The following FBN3 variants were observed in gnomAD, a reference collection of about 807,000 sequenced individuals.
The protein encoded by FBN3 is fibrillin-3.
A neutral mutation model predicts 330.1 loss-of-function variants in FBN3; 234 were observed. That is an observed-to-expected ratio of 0.71 (90% CI 0.64 to 0.79). The LOEUF is 0.79. Ranked by LOEUF, FBN3 falls within the 30% of genes least tolerant of loss-of-function variation. The pLI is 0.00. For synonymous variants in FBN3, 1,458 were observed against 1,517.3 expected (o/e 0.96, Z 0.91); for missense variants, 3,606 against 3,886.9 (o/e 0.93, Z 1.92).
chr19:8,071,557 G>A (rs2081511664), intron 63 of FBN3, among the ~76,000 whole-genome samples: 1 of 152,168 alleles, frequency 6.6e-6, no homozygotes, highest in South Asian at 2.1e-4. Flanking sequence ...CAGCCCAGAG[G>A]GATGCACAGA....
chr19:8,123,974 A>T lies in FBN3; in HGVS notation c.2766T>A (p.Asp922Glu). 1.2e-6 allele frequency: 2 copies of T among 1,614,018 alleles called. No homozygotes were observed. Residue 922 changes from aspartate (D) to glutamate (E), a missense_variant, in exon 23 of 64, where the codon GAT (aspartate) becomes GAA (glutamate). Coordinates refer to ENST00000600128, the MANE Select transcript of FBN3 (RefSeq NM_032447.5). Reference protein sequence around the residue: ...VRLEPCFLRWDEDECGVTLPG... With the variant: ...VRLEPCFLRWEEDECGVTLPG... ...GCAGGGTGACCCCACACTCATCCTC[A>T]TCCCATCGCAGGAAACATGGTTCCA... is the stretch of plus-strand genomic sequence containing the variant.
Position 8,103,665 on chromosome 19 carries a change from G to A in FBN3, c.4836C>T (p.His1612=). 6.2e-7 allele frequency: 1 copy of A among 1,613,626 alleles called. No homozygotes were observed. The part of the protein sequence containing the change: ...ICEDIDECST[H]SGICGPGTCY... ...AGGTGCCAGGGCCACAGATGCCGGA[G>A]TGTGTGGAGCATTCGTCAATATCTG... Residue 1612 remains histidine (H), a synonymous_variant, in exon 39 of 64, where the codon CAC becomes CAT. Coordinates refer to ENST00000600128, the MANE Select transcript of FBN3 (RefSeq NM_032447.5).
In FBN3 at chr19:8,131,005, G is replaced by C. The variant is rs1410530275; in HGVS notation, c.2044+230C>G. ...CACCAGAAGCTGGAGAGAGGTCCGGGACAGATTCTCCCTCAAAGCCTCCAA... is the reference window on the plus strand; with the variant it reads ...CACCAGAAGCTGGAGAGAGGTCCGGCACAGATTCTCCCTCAAAGCCTCCAA... On this transcript the variant is annotated intron_variant, in intron 16 of 63. Transcript: ENST00000600128. This position sits in a 1 kb window ranked among gnomAD's most constrained non-coding sequence, Gnocchi z 4.5. 6.6e-6 allele frequency among the ~76,000 whole-genome samples: 1 copy of C among 152,076 alleles called. No homozygotes were observed. The highest frequency in any genetic ancestry group is 6.6e-5 in the Admixed American group (1 of 15,250).
chr19:8,098,370 T>C (rs1311266961), intron 41 of FBN3, among the ~76,000 whole-genome samples: 1 of 129,252 alleles, frequency 7.7e-6, no homozygotes, highest in Non-Finnish European at 1.6e-5. Context: ...GGACTGGAAA[T>C]AACCTAAGTG....
In FBN3 at chr19:8,120,105, G is replaced by A. The variant is rs1192043943; in HGVS notation, c.3212-1083C>T. ...CATCAGATCATGTGGCCCTTTTAAG[G>A]GCTTCTGACAGTGGCAATTTTGCAT... On this transcript the variant is annotated intron_variant, in intron 25 of 63. Coordinates refer to ENST00000600128, the MANE Select transcript of FBN3 (RefSeq NM_032447.5). 3.3e-5 allele frequency among the ~76,000 whole-genome samples: 5 copies of A among 150,718 alleles called. No individual in the cohort carries two copies. The South Asian group carries it at 8.5e-4, about 26-fold the overall frequency.
rs112806081 is a variant in FBN3, at chr19:8,085,472, A to G, written c.6978T>C (p.Cys2326=). 3.8e-4 allele frequency: 596 copies of G among 1,586,986 alleles called. 1 individual carries two copies. The African/African-American group carries it at 7.0e-3, about 19-fold the overall frequency. ...SEAVTRAECC[C]GGGRGWGPRC... Reference sequence around the variant, plus strand: ...GGGGCCCCCAGCCCCGGCCACCCCCACAGCAGCACTCGGCCCTGGTGACAG... The same window carrying G: ...GGGGCCCCCAGCCCCGGCCACCCCCGCAGCAGCACTCGGCCCTGGTGACAG... The change falls in exon 56 of 64, where the codon TGT becomes TGC. Residue 2326 remains cysteine (C), a synonymous_variant. Transcript: ENST00000600128.
chr19:8,117,039 C>A, intron 28 of FBN3, 130 bp downstream of exon 28: 1 of 1,412,946 alleles, frequency 7.1e-7, no homozygotes, highest in South Asian at 1.4e-5. Flanking sequence ...GACCACAGGC[C>A]AGGCAGGGGG....
At chr19:8,066,831 A>G (rs957989545) in intron 63 of FBN3, among the ~76,000 whole-genome samples, 2 of 152,086 alleles carry the variant, frequency 1.3e-5, no homozygotes, top group African/African-American at 2.4e-5. Context: ...GTGAGCTGAG[A>G]TCACGCTACT....
At chr19:8,066,836 G>A (rs1414783478) in intron 63 of FBN3, among the ~76,000 whole-genome samples, 1 of 151,936 alleles carries the variant, frequency 6.6e-6, no homozygotes, top group Admixed American at 6.6e-5. Flanking sequence ...CTGAGATCAC[G>A]CTACTGCACT....
chr19:8,097,380 A>G lies in FBN3; in HGVS notation c.5196T>C (p.Cys1732=). Residue 1732 remains cysteine, a synonymous_variant, in exon 42 of 64, where the codon TGT becomes TGC. Transcript: ENST00000600128. ...TCTGGTTTATGCAGATGCCATTGGC[A>G]CAGATGGCGGGGATCTCCCCACACT... The part of the protein sequence containing the change: ...IDECGEIPAI[C]ANGICINQIG... The G allele has an allele frequency of 6.2e-7, 1 of 1,605,492 alleles. No homozygotes were observed.
At position 8,110,877 on chromosome 19, in the gene FBN3, T is replaced by C. The variant is rs936115377; in HGVS notation, c.4301A>G (p.Tyr1434Cys). 1 of 1,614,222 alleles carries C rather than the reference T, an allele frequency of 6.2e-7. No homozygotes were observed. Among genetic ancestry groups the C allele is most frequent in the Non-Finnish European group, 8.5e-7 (1 of 1,180,044 alleles). Residue 1434 changes from tyrosine (Y) to cysteine (C), a missense_variant, in exon 34 of 64, where the codon TAC (tyrosine) becomes TGC (cysteine). Transcript: ENST00000600128. ...GMFRCICNGGYELDRGGGNCT... is the reference protein window; with the variant it reads ...GMFRCICNGGCELDRGGGNCT... ...GTTGCCACCCCCTCGGTCCAGTTCG[T>C]AGCCACCATTGCAGATGCAGCGGAA...
chr19:8,113,526 G>C (rs1017373497), intron 30 of FBN3, among the ~76,000 whole-genome samples: 14 of 152,082 alleles, frequency 9.2e-5, no homozygotes, highest in Non-Finnish European at 1.6e-4. Context: ...CACCATGCCT[G>C]ATCAACAAAC....
At position 8,085,469 on chromosome 19, in the gene FBN3, C is replaced by T. The variant is rs61729617; in HGVS notation, c.6981G>A (p.Gly2327=). The T allele has an allele frequency of 6.6e-3, 10,536 of 1,585,864 alleles. 541 individuals carry two copies. In the African/African-American group the frequency reaches 0.12, roughly 18 times the overall value. ...EAVTRAECCC[G]GGRGWGPRCE... ...AGCGGGGCCCCCAGCCCCGGCCACCCCCACAGCAGCACTCGGCCCTGGTGA... is the reference window on the plus strand; with the variant it reads ...AGCGGGGCCCCCAGCCCCGGCCACCTCCACAGCAGCACTCGGCCCTGGTGA... Residue 2327 remains glycine, a synonymous_variant, in exon 56 of 64, where the codon GGG becomes GGA. Coordinates refer to ENST00000600128, the MANE Select transcript of FBN3 (RefSeq NM_032447.5).
intron 39 of FBN3, 68 bp downstream of exon 39, chr19:8,103,494 A>C (rs1599348258): frequency 6.5e-7 from 1 of 1,535,818 alleles, no homozygotes; most frequent in Non-Finnish European, 8.9e-7. Flanking sequence ...GAAGGCTCCC[A>C]GCAGTTCCTC....
At position 8,065,787 on chromosome 19, in the gene FBN3, T is replaced by G; in HGVS notation, c.*132A>C. The G allele has an allele frequency of 1.2e-6, 1 of 814,484 alleles. No homozygotes were observed. Among genetic ancestry groups the G allele is most frequent in the Non-Finnish European group, 1.9e-6 (1 of 529,630 alleles). 50.5% of individuals were successfully genotyped at this position (814,484 alleles called of 1,614,324 possible). On this transcript the variant is annotated 3_prime_UTR_variant, in exon 64 of 64. Coordinates refer to ENST00000600128, the MANE Select transcript of FBN3 (RefSeq NM_032447.5). ...GGCAGAGGCCGGGCTTGCCTGAGGT[T>G]GTCGTGTAGCATTTCACTCTTCCTG...
chr19:8,145,993 C>T (rs1439539953), intron 4 of FBN3, 55 bp from the exon 5 acceptor site: 6 of 1,497,842 alleles, frequency 4.0e-6, no homozygotes, highest in Non-Finnish European at 4.5e-6. Context: ...CCGAGATGCC[C>T]TCCTAGGAAG....
At position 8,135,946 on chromosome 19, in the gene FBN3, C is replaced by CCCCCCCCCCCCCCCA; in HGVS notation, c.1591+14_1591+15insTGGGGGGGGGGGGGG. ...GGCCCGGAAGCCCCTGCCCACCCGC[C>CCCCCCCCCCCCCCCA]CACCCCCAACTCACCCACACAGTTC... On this transcript the variant is annotated intron_variant, in intron 13 of 63. Coordinates refer to ENST00000600128, the MANE Select transcript of FBN3 (RefSeq NM_032447.5). The CCCCCCCCCCCCCCCA allele has an allele frequency of 2.0e-6, 1 of 492,330 alleles. No homozygotes were observed. Among genetic ancestry groups the CCCCCCCCCCCCCCCA allele is most frequent in the Non-Finnish European group, 4.0e-6 (1 of 250,304 alleles). The allele number at this position is 492,330 out of a possible 1,614,324, so 30.5% of individuals were successfully genotyped here.
rs749825874 is a variant in FBN3, at chr19:8,106,092, G to A, written c.4813+16C>T. The A allele has an allele frequency of 3.1e-6, 5 of 1,613,838 alleles. No individual in the cohort carries two copies. Among genetic ancestry groups the A allele is most frequent in the Non-Finnish European group, 4.2e-6 (5 of 1,179,908 alleles). On this transcript the variant is annotated intron_variant, in intron 38 of 63. Coordinates refer to ENST00000600128, the MANE Select transcript of FBN3 (RefSeq NM_032447.5). ...GCGGAAGAGCCTGACCCACCCCAAA[G>A]AGAATCCATGCTCACCCTCACAGAT...
chr19:8,079,387 A>G (rs12611311), intron 59 of FBN3, among the ~76,000 whole-genome samples: 93,588 of 151,510 alleles, frequency 0.62, 30,378 homozygotes, highest in African/African-American at 0.82. Flanking sequence ...GCTGTATTCC[A>G]GCCTGGGTGA....
Sources: allele counts gnomAD v4.1 joint callset (sites outside exome capture counted in the v4.1 genomes callset), GRCh38; gene constraint gnomAD v4.1.1; non-coding constraint Gnocchi (gnomAD v3.1); transcripts MANE v1.5; gene names NCBI Gene and HGNC (gene_info 2026-07-23, HGNC 2026-07-21).